Variants in C3orf20 observed in about 807,000 individuals in gnomAD.
The protein encoded by C3orf20 is uncharacterized protein C3orf20.
Under a neutral mutation model 88.3 loss-of-function variants are expected in C3orf20, and 76 were observed. That is an observed-to-expected ratio of 0.86 (90% CI 0.72 to 1.04). The LOEUF (loss-of-function observed/expected upper bound fraction) is 1.04, where lower values mean the gene tolerates loss of function less well. Ranked by LOEUF, C3orf20 falls within the 50% of genes least tolerant of loss-of-function variation. C3orf20 has a pLI of 0.00. For synonymous variants in C3orf20, 436 were observed against 437.4 expected (o/e 1.00, Z 0.04); for missense variants, 1,056 against 1,123.3 (o/e 0.94, Z 0.86).
intron 13 of C3orf20, among the ~76,000 whole-genome samples, chr3:14,758,992 G>C (rs1269903293): frequency 6.6e-6 from 1 of 152,188 alleles, no homozygotes; most frequent in African/African-American, 2.4e-5. Flanking sequence ...GCTTATTATG[G>C]GGCTAGTCGT....
chr3:14,686,838 A>G (rs2032456247), intron 4 of C3orf20, among the ~76,000 whole-genome samples: 1 of 152,190 alleles, frequency 6.6e-6, no homozygotes, highest in Non-Finnish European at 1.5e-5. Context: ...GTCCCCATTT[A>G]GTCTCTCTCC....
At chr3:14,749,719 T>C (rs1306263242) in intron 12 of C3orf20, among the ~76,000 whole-genome samples, 1 of 151,530 alleles carries the variant, frequency 6.6e-6, no homozygotes, top group Non-Finnish European at 1.5e-5. Context: ...TACTGTATGG[T>C]TTTGAATTCC....
At position 14,720,155 on chromosome 3, in the gene C3orf20, G is replaced by A. The variant is rs533868644; in HGVS notation, c.1435-1498G>A. On this transcript the variant is annotated intron_variant, in intron 9 of 16. Transcript: ENST00000253697. ...TGCCATTCTCCTGCCTCAGCCTCCCGAGTAGCTGGGACTACAGGTGTCTGC... is the reference window on the plus strand; with the variant it reads ...TGCCATTCTCCTGCCTCAGCCTCCCAAGTAGCTGGGACTACAGGTGTCTGC... Among the ~76,000 whole-genome samples, 472 of 151,932 alleles carry A rather than the reference G, an allele frequency of 3.1e-3. 4 individuals carry two copies. The highest frequency in any genetic ancestry group is 4.1e-3 in the Non-Finnish European group (281 of 67,942).
At position 14,741,980 on chromosome 3, in the gene C3orf20, T is replaced by C. The variant is rs1010307265; in HGVS notation, c.1940+13292T>C. ...GTGGTAAACTGACATGGCTCGCTGGTGGGCATGTCTGATGGAAAGCTGCTT... is the reference window on the plus strand; with the variant it reads ...GTGGTAAACTGACATGGCTCGCTGGCGGGCATGTCTGATGGAAAGCTGCTT... On this transcript the variant is annotated intron_variant, in intron 12 of 16. Transcript: ENST00000253697. Among the ~76,000 whole-genome samples, 12 of 152,318 alleles carry C rather than the reference T, an allele frequency of 7.9e-5. No individual in the cohort carries two copies. In the East Asian group the frequency reaches 1.9e-3, roughly 24 times the overall value.
intron 12 of C3orf20, among the ~76,000 whole-genome samples, chr3:14,756,563 G>A (rs2035378159): frequency 6.6e-6 from 1 of 151,990 alleles, no homozygotes; most frequent in African/African-American, 2.4e-5. Context: ...TGGAAGAAGA[G>A]GGATGAAATA....
At chr3:14,728,774 C>T (rs1177010033) in intron 12 of C3orf20, 86 bp downstream of exon 12, 3 of 1,429,126 alleles carry the variant, frequency 2.1e-6, no homozygotes, top group Non-Finnish European at 2.8e-6. Flanking sequence ...AGATGGGGCC[C>T]CTCTCTTTTG....
intron 7 of C3orf20, among the ~76,000 whole-genome samples, chr3:14,709,156 A>G (rs180700410): frequency 1.8e-4 from 28 of 152,346 alleles, no homozygotes; most frequent in Admixed American, 1.4e-3. Context: ...AGAAGACCTA[A>G]ATAAATGGAA....
chr3:14,744,171 C>T (rs186614006), intron 12 of C3orf20, among the ~76,000 whole-genome samples: 1 of 152,118 alleles, frequency 6.6e-6, no homozygotes, highest in East Asian at 1.9e-4. Context: ...ACCCAGGTTA[C>T]CTCTTGAATG....
At position 14,738,532 on chromosome 3, in the gene C3orf20, C is replaced by T. The variant is rs980279686; in HGVS notation, c.1940+9844C>T. 6.6e-5 allele frequency among the ~76,000 whole-genome samples: 10 copies of T among 151,466 alleles called. No individual in the cohort carries two copies. In the East Asian group the frequency reaches 1.2e-3, roughly 18 times the overall value. Reference sequence around the variant, plus strand: ...TTTTTTAGTACAGATGGGGTTTCACCATGTTAGCTAGGATGGTCTCGATCT... The same window carrying T: ...TTTTTTAGTACAGATGGGGTTTCACTATGTTAGCTAGGATGGTCTCGATCT... On this transcript the variant is annotated intron_variant, in intron 12 of 16. Transcript: ENST00000253697.
At position 14,768,429 on chromosome 3, in the gene C3orf20, G is replaced by A. The variant is rs1442057401; in HGVS notation, c.2496-3638G>A. On this transcript the variant is annotated intron_variant, in intron 15 of 16. Transcript: ENST00000253697. This position sits in a 1 kb window ranked among gnomAD's most constrained non-coding sequence, Gnocchi z 4.1. ...CCACTCAGCCCAAGGAAGCCCCTTG[G>A]ACAGGCAGGGGAAGGGCATGCAGAC... Among the ~76,000 whole-genome samples the A allele has an allele frequency of 6.6e-6, 1 of 152,026 alleles. No homozygotes were observed. Among genetic ancestry groups the A allele is most frequent in the Non-Finnish European group, 1.5e-5 (1 of 68,026 alleles).
chr3:14,740,857 T>G (rs2034878961), intron 12 of C3orf20, among the ~76,000 whole-genome samples: 1 of 152,358 alleles, frequency 6.6e-6, no homozygotes, highest in East Asian at 1.9e-4. Context: ...GGATTCATTT[T>G]TATTCTTATA....
At chr3:14,696,047 ATTC>A (rs927336163) in intron 5 of C3orf20, among the ~76,000 whole-genome samples, 4 of 150,484 alleles carry the variant, frequency 2.7e-5, no homozygotes, top group African/African-American at 9.8e-5. Context: ...TGGTCTTCTC[ATTC>A]TTCTTTCCTT....
In C3orf20 at chr3:14,682,541, G is replaced by T. The variant is rs1032286808; in HGVS notation, c.-136-37G>T. On this transcript the variant is annotated intron_variant, in intron 2 of 16. Coordinates refer to ENST00000253697, the MANE Select transcript of C3orf20 (RefSeq NM_032137.5). ...GGACCTCCCCTTGCCCTACTATGGGGAGAGTGACTAACTCTTTTCTTGTCC... is the reference window on the plus strand; with the variant it reads ...GGACCTCCCCTTGCCCTACTATGGGTAGAGTGACTAACTCTTTTCTTGTCC... 1.0e-4 allele frequency: 87 copies of T among 851,806 alleles called. No homozygotes were observed. The East Asian group carries it at 2.1e-3, about 20-fold the overall frequency. 52.8% of individuals were successfully genotyped at this position (851,806 alleles called of 1,614,324 possible).
intron 9 of C3orf20, among the ~76,000 whole-genome samples, chr3:14,716,705 C>G (rs1267941579): frequency 6.6e-6 from 1 of 152,216 alleles, no homozygotes; most frequent in Admixed American, 6.5e-5. Context: ...ACACCCATTT[C>G]TATCTTCCCA....
rs780269154 is a variant in C3orf20 at position 14,714,151 on chromosome 3, A to G, written c.1305A>G (p.Leu435=). 1 of 1,613,548 alleles carries G rather than the reference A, an allele frequency of 6.2e-7. No individual in the cohort carries two copies. The highest frequency in any genetic ancestry group is 1.3e-5 in the African/African-American group (1 of 74,914). Residue 435 remains leucine, a synonymous_variant, in exon 8 of 17, where the codon CTA becomes CTG. Transcript: ENST00000253697. The part of the protein sequence containing the change: ...TEGQGCVHYN[L]KTSCPYVLIL... The stretch of plus-strand genomic sequence containing the variant: ...GCCAGGGCTGTGTTCACTACAACCT[A>G]AAAACCAGGTAAGTGGACTGGGAGA...
intron 7 of C3orf20, among the ~76,000 whole-genome samples, chr3:14,708,127 TGTTTTCTTCTAAGAG>T (rs1283751110): frequency 1.3e-5 from 2 of 152,088 alleles, no homozygotes; most frequent in Non-Finnish European, 2.9e-5. Context: ...CGGCCCCCTG[TGTTTTCTTCTAAGAG>T]GTTTATACTT....
Position 14,720,021 on chromosome 3 carries a change from G to GTTTTGTT in C3orf20, c.1435-1613_1435-1607dup, listed in dbSNP as rs555054888. Among the ~76,000 whole-genome samples, 298 of 150,830 alleles carry GTTTTGTT rather than the reference G, an allele frequency of 2.0e-3. 3 individuals carry two copies. Among genetic ancestry groups the GTTTTGTT allele is most frequent in the East Asian group, 0.015 (75 of 5,152 alleles). ...TTTTTTTGTTTTTTTGTTTTGTTTT[G>GTTTTGTT]TTTTGTTTTTTGTTTTTTGTTTTTT... On this transcript the variant is annotated intron_variant, in intron 9 of 16. Coordinates refer to ENST00000253697, the MANE Select transcript of C3orf20 (RefSeq NM_032137.5).
intron 12 of C3orf20, among the ~76,000 whole-genome samples, chr3:14,730,699 A>G (rs190106822): frequency 6.6e-6 from 1 of 152,240 alleles, no homozygotes; most frequent in African/African-American, 2.4e-5. Flanking sequence ...GAGTATGTGT[A>G]TGTTCAGCTT....
Position 14,757,566 on chromosome 3 carries a change from G to A in C3orf20, c.2136G>A (p.Val712=). Residue 712 remains valine, a synonymous_variant, in exon 13 of 17, where the codon GTG becomes GTA. Coordinates refer to ENST00000253697, the MANE Select transcript of C3orf20 (RefSeq NM_032137.5). The stretch of plus-strand genomic sequence containing the variant: ...CCCGAGACCCCAGCCAAGTGCTGGT[G>A]TTTGGGATCATCTCAAGCCAGAACT... The part of the protein sequence containing the change: ...LAPRDPSQVL[V]FGIISSQNYT... 2 of 1,614,094 alleles carry A rather than the reference G, an allele frequency of 1.2e-6. No individual in the cohort carries two copies. Among genetic ancestry groups the A allele is most frequent in the Non-Finnish European group, 1.7e-6 (2 of 1,179,994 alleles).
Sources: gnomAD v4.1 joint callset for allele counts (sites outside exome capture counted in the v4.1 genomes callset) on GRCh38, gnomAD v4.1.1 for gene constraint, Gnocchi (gnomAD v3.1) non-coding constraint, MANE v1.5 for transcripts, NCBI Gene and HGNC (gene_info 2026-07-23, HGNC 2026-07-21) for gene names.